ZBTB45: variants seen among roughly 807,000 people sequenced by gnomAD.
The protein encoded by ZBTB45 is zinc finger and BTB domain containing 45.
ZBTB45 carries 22 observed loss-of-function variants against 28.4 expected under a neutral mutation model. The observed-to-expected ratio is 0.77, with a 90% CI of 0.55 to 1.10. The LOEUF (loss-of-function observed/expected upper bound fraction) is 1.10, where lower values mean the gene tolerates loss of function less well. Among genes scored for constraint, ZBTB45 ranks in the 50% least tolerant of loss-of-function variants. The pLI, the probability that ZBTB45 is intolerant of heterozygous loss-of-function variation, is 0.00. For missense variants in ZBTB45, 656 were observed against 750.2 expected (o/e 0.87, Z 1.47); for synonymous variants, 361 against 332.3 (o/e 1.09, Z -0.94).
intron 1 of ZBTB45, among the ~76,000 whole-genome samples, chr19:58,535,176 T>A (rs563013212): frequency 5.6e-4 from 85 of 151,842 alleles, no homozygotes; most frequent in African/African-American, 2.0e-3. Flanking sequence ...CAGCCTTAAT[T>A]TTTGTATTTT....
upstream of ZBTB45, among the ~76,000 whole-genome samples, chr19:58,522,843 C>G (rs2053585788): frequency 6.6e-6 from 1 of 152,042 alleles, no homozygotes; most frequent in African/African-American, 2.4e-5. Context: ...ATGAGTGAAC[C>G]TTGGGCTGAG....
chr19:58,535,241 C>T (rs548697933), intron 1 of ZBTB45, among the ~76,000 whole-genome samples: 46 of 151,954 alleles, frequency 3.0e-4, no homozygotes, highest in African/African-American at 1.1e-3. Flanking sequence ...GTCCTGATCC[C>T]GTGATCCGCC....
At chr19:58,528,670 G>A (rs971319640) in intron 1 of ZBTB45, among the ~76,000 whole-genome samples, 6 of 152,098 alleles carry the variant, frequency 3.9e-5, no homozygotes, top group Admixed American at 1.3e-4. Flanking sequence ...CGAGGTGGGC[G>A]GATCACGAGG....
intron 1 of ZBTB45, among the ~76,000 whole-genome samples, chr19:58,528,878 A>G (rs1006133255): frequency 5.3e-5 from 8 of 149,904 alleles, no homozygotes; most frequent in Admixed American, 4.7e-4. Context: ...TGGATGACAG[A>G]GCGAGACTCT....
rs1471822924 is a variant in ZBTB45 at position 58,514,189 on chromosome 19, G to T, written c.1401C>A (p.Arg467=). ...CGTTGAGCGAGCTCTTCTGCGTGAA[G>T]CGCTTGGCGCAGACGGCGCACTGGA... ...RAFQCAVCAK[R]FTQKSSLNVH... Residue 467 remains arginine, a synonymous_variant, in exon 3 of 3, where the codon CGC becomes CGA. Transcript: ENST00000594051. The T allele has an allele frequency of 1.2e-6, 2 of 1,612,578 alleles. No homozygotes were observed. The highest frequency in any genetic ancestry group is 1.7e-6 in the Non-Finnish European group (2 of 1,179,628).
chr19:58,529,581 C>A (rs1046314483), intron 1 of ZBTB45, among the ~76,000 whole-genome samples: 4 of 152,196 alleles, frequency 2.6e-5, no homozygotes, highest in South Asian at 2.1e-4. Context: ...ATTAACCTAA[C>A]CTTCTGTCTA....
intron 1 of ZBTB45, among the ~76,000 whole-genome samples, chr19:58,528,360 C>T (rs565485666): frequency 4.1e-4 from 62 of 151,982 alleles, no homozygotes; most frequent in African/African-American, 1.4e-3. Flanking sequence ...GGGTTCAAAC[C>T]GATACTAGAG....
chr19:58,514,377 C>T, intron 2 of ZBTB45, 67 bp from the exon 3 acceptor site: 1 of 1,323,850 alleles, frequency 7.6e-7, no homozygotes, highest in Non-Finnish European at 9.7e-7. Context: ...CACCCCACCC[C>T]ACCCCCACCT....
At position 58,516,086 on chromosome 19, in the gene ZBTB45, C is replaced by G. The variant is rs118098469; in HGVS notation, c.1279+309G>C. ...CCTGCCAGGACCTCCTGCCAAGGCT[C>G]CATACCCATCATGTGCATCCCAGGC... On this transcript the variant is annotated intron_variant, in intron 2 of 2. Coordinates refer to ENST00000594051, the MANE Select transcript of ZBTB45 (RefSeq NM_001316979.2). This position sits in a 1 kb window ranked among gnomAD's most constrained non-coding sequence, Gnocchi z 6.2. Among the ~76,000 whole-genome samples the G allele has an allele frequency of 6.6e-6, 1 of 152,118 alleles. No homozygotes were observed. Among genetic ancestry groups the G allele is most frequent in the Non-Finnish European group, 1.5e-5 (1 of 68,010 alleles).
Position 58,516,984 on chromosome 19 carries a change from C to T in ZBTB45, c.690G>A (p.Glu230=), listed in dbSNP as rs1343537905. The T allele has an allele frequency of 2.5e-6, 4 of 1,613,218 alleles. No homozygotes were observed. The highest frequency in any genetic ancestry group is 2.2e-5 in the East Asian group (1 of 44,880). The change falls in exon 2 of 3, where the codon GAG becomes GAA. Residue 230 remains glutamate (E), a synonymous_variant. Transcript: ENST00000594051. This position sits in a 1 kb window ranked among gnomAD's most constrained non-coding sequence, Gnocchi z 6.2. ...CTGGGAAGGAAGGAGGTGCCTGGCC[C>T]TCGCCTGGGCCGCCACCTTCGCCAT... ...GEDGEGGGPG[E]GQAPPSFPDC...
rs1461606902 is a variant in ZBTB45 at position 58,515,338 on chromosome 19, A to C, written c.1280-1028T>G. On this transcript the variant is annotated intron_variant, in intron 2 of 2. Transcript: ENST00000594051. This position sits in a 1 kb window ranked among gnomAD's most constrained non-coding sequence, Gnocchi z 4.7. ...CTCAAAAAAAATTAAAAAAAAAAAA[A>C]CCCTATCTCAGTGGCAGTGGACTGA... Among the ~76,000 whole-genome samples the C allele has an allele frequency of 1.3e-5, 2 of 149,254 alleles. No individual in the cohort carries two copies. Among genetic ancestry groups the C allele is most frequent in the East Asian group, 3.9e-4 (2 of 5,118 alleles).
At chr19:58,524,471 G>GTGTGTGTGTC, upstream of ZBTB45, among the ~76,000 whole-genome samples, 1 of 149,940 alleles carries the variant, frequency 6.7e-6, no homozygotes, top group South Asian at 2.1e-4. Context: ...GTGTGTGTGT[G>GTGTGTGTGTC]TGTATGAACC....
chr19:58,538,021 C>G (rs1323404369), intron 1 of ZBTB45, among the ~76,000 whole-genome samples: 1 of 151,610 alleles, frequency 6.6e-6, no homozygotes, highest in Non-Finnish European at 1.5e-5. Context: ...TATTTTTAGC[C>G]GAGACGGGGT....
At chr19:58,520,691 T>G (rs1467680563), upstream of ZBTB45, among the ~76,000 whole-genome samples, 1 of 151,928 alleles carries the variant, frequency 6.6e-6, no homozygotes, top group East Asian at 1.9e-4. Context: ...GAGAGGTCCA[T>G]GAGAGGAAAT....
At chr19:58,530,173 C>T (rs1204694385) in intron 1 of ZBTB45, among the ~76,000 whole-genome samples, 1 of 151,526 alleles carries the variant, frequency 6.6e-6, no homozygotes, top group Non-Finnish European at 1.5e-5. Context: ...CACTACACTC[C>T]AGTCTGATGA....
At chr19:58,518,292 C>T (rs777966298) in intron 1 of ZBTB45, among the ~76,000 whole-genome samples, 3 of 152,194 alleles carry the variant, frequency 2.0e-5, no homozygotes, top group East Asian at 1.9e-4. Flanking sequence ...CAGAGGCTCT[C>T]GCAGGAGTGG....
upstream of ZBTB45, chr19:58,520,149 G>T (rs1176227246): frequency 1.3e-5 from 2 of 152,218 alleles, no homozygotes; most frequent in Non-Finnish European, 2.9e-5. Context: ...GCGAACCGGG[G>T]AAGTGGCCTT....
chr19:58,537,483 A>T (rs964729908), intron 1 of ZBTB45, among the ~76,000 whole-genome samples: 2 of 152,056 alleles, frequency 1.3e-5, no homozygotes, highest in Non-Finnish European at 2.9e-5. Context: ...GCCTGTTATG[A>T]GGGGCAGCCG....
intron 1 of ZBTB45, among the ~76,000 whole-genome samples, chr19:58,529,238 G>A (rs2053623890): frequency 6.6e-6 from 1 of 152,144 alleles, no homozygotes. Context: ...CCAGGAATAT[G>A]AGAGCAGCCT....
Sources: allele counts gnomAD v4.1 joint callset (sites outside exome capture counted in the v4.1 genomes callset), GRCh38; gene constraint gnomAD v4.1.1; non-coding constraint Gnocchi (gnomAD v3.1); transcripts MANE v1.5; gene names NCBI Gene and HGNC (gene_info 2026-07-23, HGNC 2026-07-21).